CDH12: variants seen among roughly 807,000 people sequenced by gnomAD.
CDH12 encodes the protein cadherin 12.
In CDH12, 41 loss-of-function variants were observed where a neutral mutation model predicts 74.1. That is an observed-to-expected ratio of 0.55 (90% CI 0.43 to 0.72). CDH12 has a LOEUF of 0.72. Ranked by LOEUF, CDH12 falls within the 30% of genes least tolerant of loss-of-function variation. The probability of loss-of-function intolerance (pLI) is 0.00; values close to 1 mark genes in which losing one functional copy is unlikely to be tolerated. For missense variants in CDH12, 945 were observed against 977.2 expected, an observed-to-expected ratio of 0.97 and a Z score of 0.44; for synonymous variants, 399 against 355.0, an observed-to-expected ratio of 1.12 and a Z score of -1.39.
chr5:22,006,854 CA>C (rs1360411262), intron 5 of CDH12, among the ~76,000 whole-genome samples: 2 of 152,110 alleles, frequency 1.3e-5, no homozygotes, highest in African/African-American at 4.8e-5. Context: ...TCCCTCAGAA[CA>C]GCTTTTTATT....
intron 2 of CDH12, among the ~76,000 whole-genome samples, chr5:22,461,298 G>A (rs2136216): frequency 0.49 from 73,730 of 151,472 alleles, 18,329 homozygotes; most frequent in Admixed American, 0.65. Flanking sequence ...AGCTGGGATT[G>A]CAGGCCTGAG....
intron 4 of CDH12, among the ~76,000 whole-genome samples, chr5:22,096,960 T>C (rs904045316): frequency 2.0e-5 from 3 of 151,924 alleles, no homozygotes; most frequent in Non-Finnish European, 4.4e-5. Flanking sequence ...AATAATAGAG[T>C]AGAGGCAGCC....
At chr5:21,847,140 A>T (rs1750217006) in intron 7 of CDH12, among the ~76,000 whole-genome samples, 2 of 152,146 alleles carry the variant, frequency 1.3e-5, no homozygotes, top group South Asian at 4.2e-4. Flanking sequence ...CCCTCACATA[A>T]TCTTCACCTT....
intron 5 of CDH12, among the ~76,000 whole-genome samples, chr5:22,062,797 G>A (rs1348882628): frequency 6.6e-6 from 1 of 152,106 alleles, no homozygotes; most frequent in African/African-American, 2.4e-5. Flanking sequence ...AACTCAGAAG[G>A]AGACTAACAC....
chr5:22,034,099 A>G (rs752431847), intron 5 of CDH12, among the ~76,000 whole-genome samples: 19 of 152,252 alleles, frequency 1.2e-4, no homozygotes, highest in Middle Eastern at 3.4e-3. Context: ...GCTGGAGTGC[A>G]TTGGTGCTAT....
intron 1 of CDH12, among the ~76,000 whole-genome samples, chr5:22,829,719 A>G (rs1298285639): frequency 3.3e-5 from 5 of 152,162 alleles, no homozygotes; most frequent in Admixed American, 3.3e-4. Context: ...ATTGCCACTT[A>G]TGCATCCCCA....
chr5:22,178,506 A>G (rs1749460415), intron 4 of CDH12, among the ~76,000 whole-genome samples: 3 of 152,210 alleles, frequency 2.0e-5, no homozygotes, highest in Admixed American at 6.5e-5. Flanking sequence ...GAGTTTATTC[A>G]TCAATCTTTG....
intron 1 of CDH12, among the ~76,000 whole-genome samples, chr5:22,537,774 T>G (rs1287229446): frequency 6.6e-6 from 1 of 152,230 alleles, no homozygotes; most frequent in Non-Finnish European, 1.5e-5. Context: ...CTCTCAGGTT[T>G]ATTCTCCAAA....
At position 21,907,228 on chromosome 5, in the gene CDH12, C is replaced by A. The variant is rs183302385; in HGVS notation, c.527-52438G>T. Among the ~76,000 whole-genome samples, 34 of 152,210 alleles carry A rather than the reference C, an allele frequency of 2.2e-4. No individual in the cohort carries two copies. The East Asian group carries it at 6.6e-3, about 29-fold the overall frequency. ...GGGAAAGAGGGGTTTAAAAAATACG[C>A]CCAAATAGGGAAGAGTTAAACTGAG... On this transcript the variant is annotated intron_variant, in intron 6 of 14. Transcript: ENST00000382254.
At chr5:22,094,607 T>A (rs1743634616) in intron 4 of CDH12, among the ~76,000 whole-genome samples, 1 of 151,906 alleles carries the variant, frequency 6.6e-6, no homozygotes, top group African/African-American at 2.4e-5. Flanking sequence ...AGGAGACAGA[T>A]TTGAACTTAA....
rs150777532 is a variant in CDH12, at chr5:21,836,556, A to C, written c.814+5605T>G. Among the ~76,000 whole-genome samples, 9 of 151,466 alleles carry C rather than the reference A, an allele frequency of 5.9e-5. 1 individual carries two copies. The East Asian group carries it at 1.7e-3, about 29-fold the overall frequency. On this transcript the variant is annotated intron_variant, in intron 8 of 14. Transcript: ENST00000382254. ...TTTCATCAAATATTGTATACAGAGT[A>C]CTTTATTTTACTTAATTTGTTTTCC...
intron 6 of CDH12, among the ~76,000 whole-genome samples, chr5:21,924,308 G>C (rs1277481053): frequency 6.6e-6 from 1 of 152,140 alleles, no homozygotes; most frequent in African/African-American, 2.4e-5. Context: ...CCGAGGTCAG[G>C]AGTTTGAGAC....
At chr5:22,114,673 T>G (rs866739854) in intron 4 of CDH12, among the ~76,000 whole-genome samples, 2 of 152,204 alleles carry the variant, frequency 1.3e-5, no homozygotes, top group African/African-American at 2.4e-5. Context: ...GCTTAATTTT[T>G]GGGGAAGAGT....
chr5:21,775,938 A>G (rs1432197638), intron 11 of CDH12, among the ~76,000 whole-genome samples: 1 of 152,072 alleles, frequency 6.6e-6, no homozygotes. Flanking sequence ...AATGGCTCCC[A>G]ACGATCCCCA....
At chr5:22,009,370 A>G (rs1323745423) in intron 5 of CDH12, among the ~76,000 whole-genome samples, 2 of 152,128 alleles carry the variant, frequency 1.3e-5, no homozygotes, top group African/African-American at 4.8e-5. Context: ...TGCACGTCCT[A>G]CTTCCATTCA....
At chr5:22,759,566 C>A (rs1458632348) in intron 1 of CDH12, among the ~76,000 whole-genome samples, 4 of 152,108 alleles carry the variant, frequency 2.6e-5, no homozygotes, top group Admixed American at 1.3e-4. Context: ...GTTATTATAC[C>A]ATTAACTACC....
intron 3 of CDH12, among the ~76,000 whole-genome samples, chr5:22,343,313 GAC>G (rs1341257265): frequency 6.9e-5 from 4 of 58,350 alleles, no homozygotes; most frequent in African/African-American, 1.6e-4. Flanking sequence ...CACACACACA[GAC>G]ACACACACAG....
At chr5:22,047,994 C>T (rs182261882) in intron 5 of CDH12, among the ~76,000 whole-genome samples, 1 of 152,148 alleles carries the variant, frequency 6.6e-6, no homozygotes, top group East Asian at 1.9e-4. Flanking sequence ...ATATTGTTTT[C>T]TCCGTATGAA....
At chr5:22,240,915 A>G (rs1280252983) in intron 3 of CDH12, among the ~76,000 whole-genome samples, 3 of 152,172 alleles carry the variant, frequency 2.0e-5, no homozygotes, top group Non-Finnish European at 4.4e-5. Flanking sequence ...AAGAAAAAGC[A>G]GAAGACAGAG....
Sources: gnomAD v4.1 joint callset for allele counts (sites outside exome capture counted in the v4.1 genomes callset) on GRCh38, gnomAD v4.1.1 for gene constraint, MANE v1.5 for transcripts, NCBI Gene and HGNC (gene_info 2026-07-23, HGNC 2026-07-21) for gene names.